The following CHL1 variants were observed in gnomAD, a reference collection of about 807,000 sequenced individuals.
CHL1 encodes neural cell adhesion molecule L1-like protein.
In CHL1, 96 loss-of-function variants were observed where a neutral mutation model predicts 141.9. That is an observed-to-expected ratio of 0.68 (90% CI 0.57 to 0.80). CHL1 has a LOEUF of 0.80. Among genes scored for constraint, CHL1 ranks in the 30% least tolerant of loss-of-function variants. CHL1 has a pLI of 0.00. For missense variants in CHL1, 1,820 were observed against 1,457.2 expected, an observed-to-expected ratio of 1.25 and a Z score of -4.05; for synonymous variants, 613 against 502.2, an observed-to-expected ratio of 1.22 and a Z score of -2.95.
At chr3:291,181 GA>G (rs1334996921) in intron 2 of CHL1, among the ~76,000 whole-genome samples, 1 of 151,972 alleles carries the variant, frequency 6.6e-6, no homozygotes, top group East Asian at 1.9e-4. Context: ...TAAAGAGGAA[GA>G]GGTTGGTTAA....
chr3:395,230 G>T (rs1396945167), intron 24 of CHL1, among the ~76,000 whole-genome samples: 1 of 152,126 alleles, frequency 6.6e-6, no homozygotes, highest in Non-Finnish European at 1.5e-5. Context: ...TTTCCATACA[G>T]AAAAATATTT....
Position 319,730 on chromosome 3 carries a change from A to T in CHL1, c.-47A>T. The T allele has an allele frequency of 8.2e-7, 1 of 1,224,978 alleles. No homozygotes were observed. Among genetic ancestry groups the T allele is most frequent in the Non-Finnish European group, 1.2e-6 (1 of 836,502 alleles). The allele number at this position is 1,224,978 out of a possible 1,614,324, so 75.9% of individuals were successfully genotyped here. A position where few individuals can be genotyped will look rare whatever the true frequency, so the allele number is the denominator to read the frequency against. On this transcript the variant is annotated 5_prime_UTR_variant, in exon 3 of 28. Coordinates refer to ENST00000256509, the MANE Select transcript of CHL1 (RefSeq NM_006614.4). The stretch of plus-strand genomic sequence containing the variant: ...AGCTGTAAACCAAAAGTGAGAGGAG[A>T]CATTAAGATTTTCATTCTTACCGGG...
At chr3:352,585 G>A (rs1034510107) in intron 10 of CHL1, among the ~76,000 whole-genome samples, 2 of 152,050 alleles carry the variant, frequency 1.3e-5, no homozygotes, top group African/African-American at 4.8e-5. Flanking sequence ...TATGAGGATG[G>A]TATTTTTCCT....
At position 409,249 on chromosome 3, in the gene CHL1, C is replaced by T. The variant is rs1196153121; in HGVS notation, c.*3538C>T. On this transcript the variant is annotated 3_prime_UTR_variant, in exon 28 of 28. Transcript: ENST00000256509. ...TATGTAGAACAGGTTCACGTGATTA[C>T]CTTTTTCTTTTGGCTTGGATTAATA... 6.6e-6 allele frequency: 1 copy of T among 152,014 alleles called. No homozygotes were observed. Among genetic ancestry groups the T allele is most frequent in the Non-Finnish European group, 1.5e-5 (1 of 67,974 alleles). 9.4% of individuals were successfully genotyped at this position (152,014 alleles called of 1,614,324 possible).
chr3:375,648 T>C (rs1289690450), intron 15 of CHL1, among the ~76,000 whole-genome samples: 1 of 151,954 alleles, frequency 6.6e-6, no homozygotes, highest in Admixed American at 6.6e-5. Context: ...TGAAATCAAC[T>C]TGATTAATAT....
chr3:329,279 G>C (rs1028939837), intron 5 of CHL1, among the ~76,000 whole-genome samples: 1 of 152,036 alleles, frequency 6.6e-6, no homozygotes, highest in African/African-American at 2.4e-5. Flanking sequence ...TAGAGTCCTA[G>C]ATATGAAAGT....
intron 2 of CHL1, among the ~76,000 whole-genome samples, chr3:317,662 A>T (rs969270788): frequency 2.6e-5 from 4 of 151,376 alleles, no homozygotes; most frequent in Admixed American, 2.6e-4. Context: ...CAGAAAAAAA[A>T]AAAAACAGGA....
At chr3:298,259 G>T (rs566175231) in intron 2 of CHL1, among the ~76,000 whole-genome samples, 1 of 152,272 alleles carries the variant, frequency 6.6e-6, no homozygotes, top group African/African-American at 2.4e-5. Context: ...GCTAAAAAGA[G>T]ACCCCATGGA....
intron 7 of CHL1, 43 bp from the exon 8 acceptor site, chr3:342,941 C>T: frequency 6.7e-7 from 1 of 1,494,498 alleles, no homozygotes; most frequent in Non-Finnish European, 9.2e-7. Flanking sequence ...TATCAGCATC[C>T]ACCATTATGT....
chr3:199,802 T>C (rs1698751756), intron 1 of CHL1, among the ~76,000 whole-genome samples: 2 of 152,204 alleles, frequency 1.3e-5, no homozygotes, highest in South Asian at 4.1e-4. Flanking sequence ...TGCCCCAAAA[T>C]TGCTTTGTTG....
intron 10 of CHL1, among the ~76,000 whole-genome samples, 173 bp downstream of exon 10, chr3:349,716 G>T (rs1056178791): frequency 6.6e-6 from 1 of 152,138 alleles, no homozygotes. Context: ...TGTCATTTAC[G>T]CCCCAAAATG....
Position 349,351 on chromosome 3 carries a change from T to A in CHL1, c.849-8T>A. The stretch of plus-strand genomic sequence containing the variant: ...AAAAATGTTTATTTATTTAACTATT[T>A]TTTGCAGGCCAACTCCACAGGTTGA... On this transcript the variant is annotated splice_region_variant and splice_polypyrimidine_tract_variant and intron_variant, in intron 9 of 27. Coordinates refer to ENST00000256509, the MANE Select transcript of CHL1 (RefSeq NM_006614.4). 3 of 1,606,836 alleles carry A rather than the reference T, an allele frequency of 1.9e-6. No individual in the cohort carries two copies. The highest frequency in any genetic ancestry group is 2.5e-6 in the Non-Finnish European group (3 of 1,177,528).
chr3:242,600 T>A (rs1692761818), intron 1 of CHL1, among the ~76,000 whole-genome samples: 2 of 106,548 alleles, frequency 1.9e-5, no homozygotes, highest in Admixed American at 1.1e-4. Flanking sequence ...CATCTCAAAA[T>A]AAATAAATAA....
chr3:298,581 A>G (rs1698422232), intron 2 of CHL1, among the ~76,000 whole-genome samples: 2 of 152,212 alleles, frequency 1.3e-5, no homozygotes, highest in African/African-American at 4.8e-5. Flanking sequence ...GCAGTGCTAG[A>G]TAGTGAGCAT....
intron 1 of CHL1, among the ~76,000 whole-genome samples, chr3:228,630 T>A (rs1052787316): frequency 3.3e-5 from 5 of 152,172 alleles, no homozygotes; most frequent in Non-Finnish European, 1.5e-5. Flanking sequence ...CATCTTCACA[T>A]GGTATAGAGT....
chr3:280,137 T>C lies in CHL1; in HGVS notation c.-95+35445T>C, dbSNP rs192540938. Among the ~76,000 whole-genome samples the C allele has an allele frequency of 2.9e-3, 440 of 152,264 alleles. 2 individuals are homozygous for C. Among genetic ancestry groups the C allele is most frequent in the African/African-American group, 0.01 (426 of 41,548 alleles). ...TCTTCAGGTGAAGTGTCATGTAATATCTTTGCTAAGTCGGGATAAAAATAA... is the reference window on the plus strand; with the variant it reads ...TCTTCAGGTGAAGTGTCATGTAATACCTTTGCTAAGTCGGGATAAAAATAA... On this transcript the variant is annotated intron_variant, in intron 2 of 27. Transcript: ENST00000256509.
intron 15 of CHL1, 103 bp downstream of exon 15, chr3:366,218 C>A (rs1704857223): frequency 8.8e-7 from 1 of 1,134,040 alleles, no homozygotes; most frequent in Non-Finnish European, 1.3e-6. Context: ...CGCTTGTAAT[C>A]CCAGCACTTT....
At chr3:388,260 C>T (rs1291178000) in intron 19 of CHL1, among the ~76,000 whole-genome samples, 1 of 152,104 alleles carries the variant, frequency 6.6e-6, no homozygotes, top group Non-Finnish European at 1.5e-5. Context: ...AGAAATTATT[C>T]CTCCAGGCTG....
rs528137901 is a variant in CHL1, at chr3:391,722, A to G, written c.2839A>G (p.Thr947Ala). 1.2e-5 allele frequency: 20 copies of G among 1,603,570 alleles called. 1 individual carries two copies. The South Asian group carries it at 2.0e-4, about 16-fold the overall frequency. Residue 947 changes from threonine to alanine, a missense_variant, in exon 23 of 28, where the codon ACT becomes GCT. Transcript: ENST00000256509. Reference protein sequence around the residue: ...FLKVIKVDKDTATLSWGLPKK... With the variant: ...FLKVIKVDKDAATLSWGLPKK... Reference sequence around the variant, plus strand: ...AAAGGTCATCAAAGTTGATAAAGACACTGCCACTTTATCTTGGGGACTACC... The same window carrying G: ...AAAGGTCATCAAAGTTGATAAAGACGCTGCCACTTTATCTTGGGGACTACC...
Sources: gnomAD v4.1 joint callset for allele counts (sites outside exome capture counted in the v4.1 genomes callset) on GRCh38, gnomAD v4.1.1 for gene constraint, MANE v1.5 for transcripts, NCBI Gene and HGNC (gene_info 2026-07-23, HGNC 2026-07-21) for gene names.